DGKZ: variants seen among roughly 807,000 people sequenced by gnomAD.
DGKZ encodes DAG kinase zeta.
DGKZ carries 45 observed loss-of-function variants against 142.5 expected under a neutral mutation model. The ratio of observed to expected loss-of-function variants is 0.32; its 90% CI spans 0.25 to 0.40. DGKZ has a LOEUF of 0.40. Among genes scored for constraint, DGKZ ranks in the 10% least tolerant of loss-of-function variants. The pLI is 1.00. For missense variants in DGKZ, 755 were observed against 1,306.5 expected (o/e 0.58, Z 6.51); for synonymous variants, 442 against 527.0 (o/e 0.84, Z 2.21).
At chr11:46,378,154 G>A (rs1336428339) in intron 25 of DGKZ, 44 bp from the exon 26 acceptor site, 1 of 1,593,764 alleles carries the variant, frequency 6.3e-7, no homozygotes, top group South Asian at 1.1e-5. Flanking sequence ...GCGACCAGCT[G>A]GCCTGTGCCG....
At chr11:46,333,196 C>A in exon 1 of DGKZ, 1 of 1,181,220 alleles carries the variant, frequency 8.5e-7, no homozygotes, top group South Asian at 3.8e-5. Flanking sequence ...CTCGCGTCCC[C>A]GGCCCGGGCG....
At chr11:46,368,307 C>T in intron 4 of DGKZ, 2 of 605,320 alleles carry the variant, frequency 3.3e-6, no homozygotes, top group Non-Finnish European at 3.1e-6. Context: ...CTAGTGGGTT[C>T]GTTGAATATC....
chr11:46,349,093 C>G (rs1941041143), intron 1 of DGKZ, among the ~76,000 whole-genome samples: 1 of 152,212 alleles, frequency 6.6e-6, no homozygotes, highest in African/African-American at 2.4e-5. Context: ...ACCCGTCTCA[C>G]CCGGGCTAGG....
Position 46,367,430 on chromosome 11 carries a change from C to T in DGKZ, c.270+31C>T. ...TGCCTGAACACCCCTGGGTCCCAGA[C>T]CCTCTGGGCTCTTGGCCAAGGCGCA... On this transcript the variant is annotated intron_variant, in intron 2 of 30. Coordinates refer to ENST00000527911, the Ensembl canonical transcript of DGKZ. This position sits in a 1 kb window ranked among gnomAD's most constrained non-coding sequence, Gnocchi z 4.1. 1 of 1,602,040 alleles carries T rather than the reference C, an allele frequency of 6.2e-7. No individual in the cohort carries two copies. The highest frequency in any genetic ancestry group is 8.5e-7 in the Non-Finnish European group (1 of 1,171,284).
chr11:46,363,332 C>T (rs1942886763), intron 1 of DGKZ, among the ~76,000 whole-genome samples: 1 of 152,196 alleles, frequency 6.6e-6, no homozygotes, highest in African/African-American at 2.4e-5. Context: ...GCAGGAGAGC[C>T]TGTGACAAAT....
At chr11:46,366,381 C>G (rs765992182) in intron 1 of DGKZ, 1 of 1,507,086 alleles carries the variant, frequency 6.6e-7, no homozygotes, top group Non-Finnish European at 8.9e-7. Context: ...GCTGGGCAGG[C>G]CTCCTCCTCA....
At chr11:46,373,252 C>A in intron 14 of DGKZ, 151 bp downstream of exon 14, 4 of 599,892 alleles carry the variant, frequency 6.7e-6, no homozygotes, top group Non-Finnish European at 7.6e-6. Context: ...GTACTTGCCT[C>A]ACAAGATGCT....
rs1262010819 is a variant in DGKZ, at chr11:46,378,796, CCCACAGGCTGT to C, written c.2419-194_2419-184del. On this transcript the variant is annotated intron_variant, in intron 27 of 30. Coordinates refer to ENST00000527911, the Ensembl canonical transcript of DGKZ. ...CTTGGTCACCAGTGCTGCCAGAGAG[CCCACAGGCTGT>C]GGGGTGAGAGGCCCCTCCTCCGGTG... 4.4e-5 allele frequency: 44 copies of C among 991,672 alleles called. No homozygotes were observed. The Admixed American group carries it at 8.4e-4, about 19-fold the overall frequency. The allele number at this position is 991,672 out of a possible 1,614,324, so 61.4% of individuals were successfully genotyped here.
chr11:46,372,729 G>A lies in DGKZ; in HGVS notation c.1072-42G>A. 1 of 1,610,910 alleles carries A rather than the reference G, an allele frequency of 6.2e-7. No individual in the cohort carries two copies. The highest frequency in any genetic ancestry group is 1.3e-5 in the African/African-American group (1 of 74,998). On this transcript the variant is annotated intron_variant, in intron 12 of 30. Coordinates refer to ENST00000527911, the Ensembl canonical transcript of DGKZ. This position sits in a 1 kb window ranked among gnomAD's most constrained non-coding sequence, Gnocchi z 5.9. ...GCACCAGGGCTGGGCCTGAAGCCGG[G>A]GTCCCTGTGGGCCTGATTTGCCTCT...
At chr11:46,357,505 C>T (rs759870011) in intron 1 of DGKZ, among the ~76,000 whole-genome samples, 11 of 152,228 alleles carry the variant, frequency 7.2e-5, no homozygotes, top group East Asian at 1.9e-4. Context: ...TGTGGTCAGC[C>T]GTTGCATGTG....
At chr11:46,379,757 G>A in intron 30 of DGKZ, 74 bp from the exon 31 acceptor site, 3 of 1,436,602 alleles carry the variant, frequency 2.1e-6, no homozygotes, top group Non-Finnish European at 2.8e-6. Context: ...GGGAGGTAGA[G>A]CCCCTGCCTC....
At chr11:46,333,306 C>G in exon 1 of DGKZ, 1 of 1,294,328 alleles carries the variant, frequency 7.7e-7, no homozygotes, top group Non-Finnish European at 9.7e-7. Flanking sequence ...CGGAGGGCAG[C>G]GCTGGGACTG....
intron 4 of DGKZ, 160 bp downstream of exon 4, chr11:46,368,239 A>C (rs1439884007): frequency 4.0e-6 from 3 of 753,698 alleles, no homozygotes; most frequent in Non-Finnish European, 7.0e-6. Context: ...CTGCGTTCGA[A>C]TCCTGGCTCC....
At chr11:46,336,610 T>C (rs1168611672) in intron 1 of DGKZ, among the ~76,000 whole-genome samples, 2 of 152,144 alleles carry the variant, frequency 1.3e-5, no homozygotes, top group African/African-American at 2.4e-5. Flanking sequence ...GGTCTCACTG[T>C]GTGTGTCACC....
At chr11:46,375,380 C>G (rs1430440311) in intron 19 of DGKZ, 52 bp from the exon 20 acceptor site, 4 of 1,513,278 alleles carry the variant, frequency 2.6e-6, no homozygotes, top group East Asian at 2.4e-5. Context: ...AGTCTGGGAC[C>G]CCCCTGCCCC....
chr11:46,364,938 C>G (rs1943085258), intron 1 of DGKZ: 1 of 985,338 alleles, frequency 1.0e-6, no homozygotes, highest in Non-Finnish European at 1.2e-6. Context: ...CTCCCCAGGA[C>G]CAGGGCCCAG....
At chr11:46,354,251 A>G (rs951592570) in intron 1 of DGKZ, among the ~76,000 whole-genome samples, 3 of 152,172 alleles carry the variant, frequency 2.0e-5, no homozygotes, top group African/African-American at 7.2e-5. Context: ...CAGTGGCACA[A>G]TCATAGCTCA....
exon 31 of DGKZ, chr11:46,379,898 G>C (rs888647885): frequency 2.5e-6 from 4 of 1,609,376 alleles, no homozygotes; most frequent in Non-Finnish European, 3.4e-6. Flanking sequence ...CTGGAGAACC[G>C]GCAGCACTAC....
chr11:46,379,400 G>A (rs1944954324), intron 29 of DGKZ, 69 bp from the exon 30 acceptor site: 1 of 1,577,128 alleles, frequency 6.3e-7, no homozygotes, highest in African/African-American at 1.4e-5. Flanking sequence ...CCTTTCTGAT[G>A]GCCCTTGGGA....
Sources: allele counts gnomAD v4.1 joint callset (sites outside exome capture counted in the v4.1 genomes callset), GRCh38; gene constraint gnomAD v4.1.1; non-coding constraint Gnocchi (gnomAD v3.1); transcripts MANE v1.5; gene names NCBI Gene and HGNC (gene_info 2026-07-23, HGNC 2026-07-21).